The following SPRED1 variants were observed in gnomAD, a reference collection of about 807,000 sequenced individuals.
SPRED1 encodes the protein sprouty related EVH1 domain containing 1, also known as sprouty-related, EVH1 domain-containing protein 1.
SPRED1 carries 18 observed loss-of-function variants against 52.3 expected under a neutral mutation model. That is an observed-to-expected ratio of 0.34 (90% CI 0.24 to 0.51). The LOEUF (loss-of-function observed/expected upper bound fraction) is 0.51, where lower values mean the gene tolerates loss of function less well. SPRED1 is among the 20% of genes least tolerant of loss of function. The pLI, the probability that SPRED1 is intolerant of heterozygous loss-of-function variation, is 0.97. For missense variants in SPRED1, 485 were observed against 551.0 expected (o/e 0.88, Z 1.20); for synonymous variants, 155 against 179.7 (o/e 0.86, Z 1.10).
At chr15:38,254,874 GA>G (rs1297556888) in intron 1 of SPRED1, among the ~76,000 whole-genome samples, 1 of 152,206 alleles carries the variant, frequency 6.6e-6, no homozygotes, top group African/African-American at 2.4e-5. Flanking sequence ...TTTAGGAGAA[GA>G]ACTGCTAAAA....
At chr15:38,336,435 TAATATTA>T (rs1302091633) in intron 4 of SPRED1, among the ~76,000 whole-genome samples, 10 of 39,308 alleles carry the variant, frequency 2.5e-4, no homozygotes, top group East Asian at 5.7e-4. Context: ...TATATATATA[TAATATTA>T]TATATATGTT....
Position 38,303,219 on chromosome 15 carries a change from G to A in SPRED1, c.207+3672G>A, listed in dbSNP as rs543115137. 1.8e-4 allele frequency among the ~76,000 whole-genome samples: 27 copies of A among 151,942 alleles called. 1 individual carries two copies. The South Asian group carries it at 5.6e-3, about 32-fold the overall frequency. On this transcript the variant is annotated intron_variant, in intron 2 of 6. Coordinates refer to ENST00000299084, the MANE Select transcript of SPRED1 (RefSeq NM_152594.3). ...AAGAAAAGAAAGTCTTACTTGATGT[G>A]TGTGAGCTATAGCCTCTGTTTTCTT...
intron 6 of SPRED1, among the ~76,000 whole-genome samples, 182 bp from the exon 7 acceptor site, chr15:38,350,832 A>G (rs960230909): frequency 6.6e-6 from 1 of 152,164 alleles, no homozygotes; most frequent in Non-Finnish European, 1.5e-5. Flanking sequence ...CGCCTATACC[A>G]CAGAAGGTAC....
At chr15:38,293,300 A>G (rs980728357) in intron 1 of SPRED1, among the ~76,000 whole-genome samples, 6 of 151,876 alleles carry the variant, frequency 4.0e-5, no homozygotes, top group African/African-American at 1.2e-4. Flanking sequence ...AGGTTTCACC[A>G]TCTTTGCTAG....
At chr15:38,343,284 C>T (rs1200458960) in intron 5 of SPRED1, among the ~76,000 whole-genome samples, 1 of 151,998 alleles carries the variant, frequency 6.6e-6, no homozygotes, top group Non-Finnish European at 1.5e-5. Flanking sequence ...CTACAAAAGC[C>T]TTCCTTAACA....
chr15:38,338,581 G>A (rs574245613), intron 4 of SPRED1, among the ~76,000 whole-genome samples: 12 of 152,184 alleles, frequency 7.9e-5, no homozygotes, highest in South Asian at 6.2e-4. Flanking sequence ...TTAAGTGACA[G>A]TAGATTCTCA....
Position 38,290,758 on chromosome 15 carries a change from G to C in SPRED1, c.33-8615G>C, listed in dbSNP as rs149137323. Among the ~76,000 whole-genome samples the C allele has an allele frequency of 4.2e-3, 643 of 152,266 alleles. 5 individuals are homozygous for C. The highest frequency in any genetic ancestry group is 0.015 in the African/African-American group (606 of 41,552). ...AGACTTATTCCCTATCACAAGAATA[G>C]TATGAGAAAGACCAGCCCTAATGAT... On this transcript the variant is annotated intron_variant, in intron 1 of 6. Transcript: ENST00000299084.
chr15:38,282,331 ACACACACACACATG>A (rs1455200573), intron 1 of SPRED1, among the ~76,000 whole-genome samples: 3 of 49,408 alleles, frequency 6.1e-5, no homozygotes, highest in East Asian at 3.6e-4. Context: ...ACACACACAC[ACACACACACACATG>A]CACACACACA....
At chr15:38,280,591 G>A (rs1191414720) in intron 1 of SPRED1, among the ~76,000 whole-genome samples, 1 of 152,056 alleles carries the variant, frequency 6.6e-6, no homozygotes, top group Non-Finnish European at 1.5e-5. Context: ...AAAGATAAGA[G>A]ATTTTAAAAA....
intron 4 of SPRED1, among the ~76,000 whole-genome samples, chr15:38,333,121 G>C (rs756630072): frequency 6.6e-6 from 1 of 152,066 alleles, no homozygotes; most frequent in Non-Finnish European, 1.5e-5. Flanking sequence ...TCGGAGTATA[G>C]CACTGGTTCA....
chr15:38,282,762 T>A (rs10852015), intron 1 of SPRED1, among the ~76,000 whole-genome samples: 1 of 152,106 alleles, frequency 6.6e-6, no homozygotes, highest in Non-Finnish European at 1.5e-5. Context: ...ATGAAAAGTT[T>A]ATAGATTAAA....
chr15:38,272,880 GTTAT>G (rs1316850766), intron 1 of SPRED1, among the ~76,000 whole-genome samples: 1 of 152,060 alleles, frequency 6.6e-6, no homozygotes, highest in Non-Finnish European at 1.5e-5. Flanking sequence ...TTAAAATGAG[GTTAT>G]TTGTTTTTTG....
At chr15:38,306,536 G>A (rs1424489244) in intron 2 of SPRED1, among the ~76,000 whole-genome samples, 1 of 152,028 alleles carries the variant, frequency 6.6e-6, no homozygotes, top group African/African-American at 2.4e-5. Flanking sequence ...CCATTGAAAA[G>A]GTAATAAATT....
In SPRED1 at chr15:38,353,264, A is replaced by C. The variant is rs1888534536; in HGVS notation, c.*1600A>C. On this transcript the variant is annotated 3_prime_UTR_variant, in exon 7 of 7. Transcript: ENST00000299084. The stretch of plus-strand genomic sequence containing the variant: ...ATCATTCTTTTTATATATCACACTT[A>C]AGCTTGTGTTAGCTTTTTTCTTTTG... 1 of 152,512 alleles carries C rather than the reference A, an allele frequency of 6.6e-6. No homozygotes were observed. Among genetic ancestry groups the C allele is most frequent in the African/African-American group, 2.4e-5 (1 of 41,434 alleles). 9.4% of individuals were successfully genotyped at this position (152,512 alleles called of 1,614,324 possible).
intron 1 of SPRED1, among the ~76,000 whole-genome samples, chr15:38,257,929 G>C (rs932032192): frequency 2.0e-5 from 3 of 152,174 alleles, no homozygotes; most frequent in African/African-American, 7.2e-5. Context: ...TGTATAACTT[G>C]AACTTGACTA....
chr15:38,299,219 A>G (rs751895777), intron 1 of SPRED1, 154 bp from the exon 2 acceptor site: 5 of 873,594 alleles, frequency 5.7e-6, no homozygotes, highest in Admixed American at 5.4e-5. Flanking sequence ...ACCTCTTTCA[A>G]GTAGGCTACT....
rs1446191883 is a variant in SPRED1 at position 38,354,363 on chromosome 15, G to C, written c.*2699G>C. Reference sequence around the variant, plus strand: ...GCTCAAGACAACTGCTTGAGTAATAGTATTGAAAATGGAATCATCTAGACG... The same window carrying C: ...GCTCAAGACAACTGCTTGAGTAATACTATTGAAAATGGAATCATCTAGACG... On this transcript the variant is annotated 3_prime_UTR_variant, in exon 7 of 7. Transcript: ENST00000299084. The C allele has an allele frequency of 1.3e-5, 2 of 152,190 alleles. No homozygotes were observed. Among genetic ancestry groups the C allele is most frequent in the Admixed American group, 6.5e-5 (1 of 15,278 alleles). The allele number at this position is 152,190 out of a possible 1,614,324, so 9.4% of individuals were successfully genotyped here.
In SPRED1 at chr15:38,323,338, C is replaced by G. The variant is rs1054152659; in HGVS notation, c.376+929C>G. Among the ~76,000 whole-genome samples the G allele has an allele frequency of 9.2e-5, 14 of 152,044 alleles. No homozygotes were observed. In the South Asian group the frequency reaches 2.1e-3, roughly 23 times the overall value. On this transcript the variant is annotated intron_variant, in intron 3 of 6. Coordinates refer to ENST00000299084, the MANE Select transcript of SPRED1 (RefSeq NM_152594.3). ...TAAATGAGTAATTTTTTATTCTGAT[C>G]CAGAAAAAATTACTATGAAGTAATA...
At chr15:38,342,665 T>C (rs1481100301) in intron 5 of SPRED1, among the ~76,000 whole-genome samples, 1 of 152,142 alleles carries the variant, frequency 6.6e-6, no homozygotes, top group African/African-American at 2.4e-5. Context: ...TTAAAAGATG[T>C]AATACCATTG....
Sources: allele counts gnomAD v4.1 joint callset (sites outside exome capture counted in the v4.1 genomes callset), GRCh38; gene constraint gnomAD v4.1.1; transcripts MANE v1.5; gene names NCBI Gene and HGNC (gene_info 2026-07-23, HGNC 2026-07-21).